The following LAMA5 variants were observed in gnomAD, a reference collection of about 807,000 sequenced individuals.
LAMA5 encodes laminin subunit alpha 5.
In LAMA5, 260 loss-of-function variants were observed where a neutral mutation model predicts 433.4. The observed-to-expected ratio is 0.60, with a 90% CI of 0.54 to 0.66. The LOEUF (loss-of-function observed/expected upper bound fraction) is 0.66, where lower values mean the gene tolerates loss of function less well. Among genes scored for constraint, LAMA5 ranks in the 30% least tolerant of loss-of-function variants. The probability of loss-of-function intolerance (pLI) is 0.00; values close to 1 mark genes in which losing one functional copy is unlikely to be tolerated. For synonymous variants in LAMA5, 2,620 were observed against 2,226.6 expected (o/e 1.18, Z -4.97); for missense variants, 5,378 against 5,258.5 (o/e 1.02, Z -0.70).
At position 62,367,204 on chromosome 20, in the gene LAMA5, G is replaced by T; in HGVS notation, c.42C>A (p.Arg14=). The change falls in exon 1 of 80, where the codon CGC becomes CGA. Residue 14 remains arginine, a synonymous_variant. Coordinates refer to ENST00000252999, the MANE Select transcript of LAMA5 (RefSeq NM_005560.6). ...RLCAGSALCV[R]GPRGPAPLLL... is the part of the protein sequence containing the mutation. Reference sequence around the variant, plus strand: ...GCAGCGGCGCGGGGCCCCGGGGGCCGCGAACACACAGTGCGCTCCCCGCGC... The same window carrying T: ...GCAGCGGCGCGGGGCCCCGGGGGCCTCGAACACACAGTGCGCTCCCCGCGC... The T allele has an allele frequency of 8.2e-7, 1 of 1,218,620 alleles. No homozygotes were observed. The highest frequency in any genetic ancestry group is 4.3e-5 in the Admixed American group (1 of 23,126). The allele number at this position is 1,218,620 out of a possible 1,614,324, so 75.5% of individuals were successfully genotyped here.
At chr20:62,347,055 A>T in intron 6 of LAMA5, 27 bp from the exon 7 acceptor site, 3 of 1,571,012 alleles carry the variant, frequency 1.9e-6, no homozygotes, top group Non-Finnish European at 2.6e-6. Context: ...AGGGGGGATC[A>T]GGCCCATCCT....
chr20:62,334,174 C>T lies in LAMA5; in HGVS notation c.2739+12G>A, dbSNP rs1981089101. ...TCTAGGCTGAGCCTGGGAGGGGGAG[C>T]ACAGCGCCCACCTGGACAGGTGCCA... On this transcript the variant is annotated intron_variant, in intron 22 of 79. Coordinates refer to ENST00000252999, the MANE Select transcript of LAMA5 (RefSeq NM_005560.6). 2.5e-6 allele frequency: 4 copies of T among 1,609,264 alleles called. No individual in the cohort carries two copies. Among genetic ancestry groups the T allele is most frequent in the Non-Finnish European group, 3.4e-6 (4 of 1,177,352 alleles).
At chr20:62,321,217 G>A (rs1601313974) in intron 48 of LAMA5, among the ~76,000 whole-genome samples, 2 of 120,076 alleles carry the variant, frequency 1.7e-5, no homozygotes, top group African/African-American at 6.7e-5. Flanking sequence ...GGAAGAGGGG[G>A]CCAGTGGAGG....
rs1441406271 is a variant in LAMA5, at chr20:62,346,178, G to A, written c.1320C>T (p.Cys440=). The A allele has an allele frequency of 4.3e-6, 7 of 1,612,676 alleles. No homozygotes were observed. The highest frequency in any genetic ancestry group is 2.2e-5 in the East Asian group (1 of 44,866). ...NCESDFTDGT[C]EDLTGRCYCR... ...AGTAGCATCGACCCGTCAGGTCCTCGCAGGTGCCATCCGTGAAGTCGGACT... is the reference window on the plus strand; with the variant it reads ...AGTAGCATCGACCCGTCAGGTCCTCACAGGTGCCATCCGTGAAGTCGGACT... The change falls in exon 10 of 80, where the codon TGC becomes TGT. Residue 440 remains cysteine, a synonymous_variant. Transcript: ENST00000252999.
Position 62,328,217 on chromosome 20 carries a change from G to A in LAMA5, c.4652+24C>T, listed in dbSNP as rs746287498. The A allele has an allele frequency of 6.2e-5, 98 of 1,576,208 alleles. 1 individual carries two copies. In the East Asian group the frequency reaches 2.1e-3, roughly 33 times the overall value. ...TGTCCTTAAGGCCACCAGGGGCCGC[G>A]CTGACGCCGCTCTGGGCTCTCACTT... On this transcript the variant is annotated intron_variant, in intron 35 of 79. Transcript: ENST00000252999.
chr20:62,322,535 C>G (rs1978451844), intron 46 of LAMA5, 86 bp from the exon 47 acceptor site: 1 of 1,462,550 alleles, frequency 6.8e-7, no homozygotes, highest in African/African-American at 1.4e-5. Context: ...CCCATCTGGC[C>G]CCACCCCCTG....
chr20:62,366,671 C>T (rs1285114474), intron 1 of LAMA5, among the ~76,000 whole-genome samples: 1 of 152,238 alleles, frequency 6.6e-6, no homozygotes, highest in African/African-American at 2.4e-5. Flanking sequence ...TGGGCCCGGC[C>T]CCCCTCCCGC....
At position 62,349,700 on chromosome 20, in the gene LAMA5, GAT is replaced by G. The variant is rs752879115; in HGVS notation, c.956+2002_956+2003del. Among the ~76,000 whole-genome samples, 7 of 1,290 alleles carry G rather than the reference GAT, an allele frequency of 5.4e-3. 3 individuals carry two copies. Among genetic ancestry groups the G allele is most frequent in the Non-Finnish European group, 0.012 (6 of 482 alleles). The allele number at this position is 1,290 out of a possible 152,430, so 0.8% of individuals were successfully genotyped here. ...TGATGGGGGTGATGATGGTGATGGT[GAT>G]GGTGATGGTGATGGTGATGGTGATG... is the stretch of plus-strand genomic sequence containing the variant. On this transcript the variant is annotated intron_variant, in intron 6 of 79. Transcript: ENST00000252999.
chr20:62,336,284 TGTG>T, intron 18 of LAMA5, 53 bp downstream of exon 18: 1 of 1,283,900 alleles, frequency 7.8e-7, no homozygotes, highest in East Asian at 2.4e-5. Context: ...AGGATATACT[TGTG>T]GGCACAGTTC....
Position 62,329,921 on chromosome 20 carries a change from G to C in LAMA5, c.3980-5C>G, listed in dbSNP as rs1205348162. Reference sequence around the variant, plus strand: ...AGAAGCTGGCGTTGGCGTGGCCTGGGCGGGGGAGAAAGGCAGGGTCAGGCC... The same window carrying C: ...AGAAGCTGGCGTTGGCGTGGCCTGGCCGGGGGAGAAAGGCAGGGTCAGGCC... On this transcript the variant is annotated splice_polypyrimidine_tract_variant and splice_region_variant and intron_variant, in intron 31 of 79. Transcript: ENST00000252999. The C allele has an allele frequency of 6.2e-7, 1 of 1,610,558 alleles. No individual in the cohort carries two copies.
At chr20:62,363,590 G>A (rs192254537) in intron 1 of LAMA5, among the ~76,000 whole-genome samples, 40 of 152,060 alleles carry the variant, frequency 2.6e-4, no homozygotes, top group Admixed American at 5.2e-4. Context: ...CTGCTCCCCC[G>A]CCCCCCCAGG....
rs8120697 is a variant in LAMA5, at chr20:62,330,157, C to A, written c.3980-241G>T. On this transcript the variant is annotated intron_variant, in intron 31 of 79. Coordinates refer to ENST00000252999, the MANE Select transcript of LAMA5 (RefSeq NM_005560.6). ...TACCGGTCAACTCCATGTGCGGGACCCCAGGCTTGGCCGAGCCAGGAACCA... is the reference window on the plus strand; with the variant it reads ...TACCGGTCAACTCCATGTGCGGGACACCAGGCTTGGCCGAGCCAGGAACCA... Among the ~76,000 whole-genome samples the A allele has an allele frequency of 8.7e-3, 1,318 of 152,358 alleles. 25 individuals carry two copies. Among genetic ancestry groups the A allele is most frequent in the African/African-American group, 0.028 (1,180 of 41,576 alleles).
chr20:62,315,246 G>A (rs748163286), intron 58 of LAMA5, 39 bp from the exon 59 acceptor site: 25 of 1,541,440 alleles, frequency 1.6e-5, no homozygotes, highest in East Asian at 2.3e-5. Context: ...GGGGCCAGCG[G>A]GGACCATCCT....
Position 62,351,973 on chromosome 20 carries a change from C to G in LAMA5, c.794G>C (p.Arg265Pro), listed in dbSNP as rs145049366. ...KATNVRLRFL[R>P]TNTLLGHLMG... ...GAGATGGCCCAGCAGCGTGTTGGTA[C>G]GCAGGAAGCGCAGGCGGACGTTGGT... Residue 265 changes from arginine (R) to proline (P), a missense_variant, in exon 5 of 80, where the codon CGT (arginine) becomes CCT (proline). Arg to Pro is a moderately radical substitution (Grantham distance 103). Coordinates refer to ENST00000252999, the MANE Select transcript of LAMA5 (RefSeq NM_005560.6). 6.2e-7 allele frequency: 1 copy of G among 1,612,418 alleles called. No homozygotes were observed. The highest frequency in any genetic ancestry group is 8.5e-7 in the Non-Finnish European group (1 of 1,179,856).
Position 62,324,173 on chromosome 20 carries a change from C to T in LAMA5, c.5675G>A (p.Cys1892Tyr). Residue 1892 changes from cysteine to tyrosine, a missense_variant, in exon 43 of 80, where the codon TGT (cysteine) becomes TAT (tyrosine). Transcript: ENST00000252999. This position sits in a 1 kb window ranked among gnomAD's most constrained non-coding sequence, Gnocchi z 4.4. ...CACGAAGCCAGCCTGGCAGCGCTCA[C>T]AGTGGGCCCCTTCGGTGTTGTGCTG... Reference protein sequence around the residue: ...DCQHNTEGAHCERCQAGFVSS... With the variant: ...DCQHNTEGAHYERCQAGFVSS... 2.5e-6 allele frequency: 4 copies of T among 1,572,368 alleles called. No homozygotes were observed. Among genetic ancestry groups the T allele is most frequent in the South Asian group, 1.2e-5 (1 of 84,246 alleles).
chr20:62,362,256 C>A, intron 2 of LAMA5, 144 bp downstream of exon 2: 1 of 785,726 alleles, frequency 1.3e-6, no homozygotes, highest in South Asian at 3.7e-5. Flanking sequence ...GGGACTCCCC[C>A]CACCAAGTCC....
chr20:62,324,187 G>A lies in LAMA5; in HGVS notation c.5661C>T (p.Thr1887=), dbSNP rs377010676. 79 of 1,575,492 alleles carry A rather than the reference G, an allele frequency of 5.0e-5. No individual in the cohort carries two copies. Among genetic ancestry groups the A allele is most frequent in the African/African-American group, 9.7e-5 (7 of 72,048 alleles). ...GGCAGCGCTCACAGTGGGCCCCTTC[G>A]GTGTTGTGCTGGCAGTCCTGGGGCA... is the stretch of plus-strand genomic sequence containing the variant. ...SGVCVDCQHN[T]EGAHCERCQA... The change falls in exon 43 of 80, where the codon ACC becomes ACT. Residue 1887 remains threonine, a synonymous_variant. Transcript: ENST00000252999. This position sits in a 1 kb window ranked among gnomAD's most constrained non-coding sequence, Gnocchi z 4.4.
chr20:62,333,376 T>C lies in LAMA5; in HGVS notation c.3127A>G (p.Asn1043Asp). The C allele has an allele frequency of 1.2e-6, 2 of 1,612,608 alleles. No individual in the cohort carries two copies. Among genetic ancestry groups the C allele is most frequent in the Non-Finnish European group, 1.7e-6 (2 of 1,179,840 alleles). ...TCCCACCGCACGCATGGCCCTCACTTGTCGCCAGACTGCTGGGCAGAGGGA... is the reference window on the plus strand; with the variant it reads ...TCCCACCGCACGCATGGCCCTCACTCGTCGCCAGACTGCTGGGCAGAGGGA... The part of the protein sequence containing the change: ...YRPSAQQSGD[N>D]CLLYTHLPLD... The change falls in exon 25 of 80, where the codon AAC (asparagine) becomes GAC (aspartate). Residue 1043 changes from asparagine (N) to aspartate (D), a missense_variant and splice_region_variant. Coordinates refer to ENST00000252999, the MANE Select transcript of LAMA5 (RefSeq NM_005560.6).
At position 62,323,592 on chromosome 20, in the gene LAMA5, G is replaced by A. The variant is rs754706679; in HGVS notation, c.5928C>T (p.Asp1976=). 43 of 1,610,532 alleles carry A rather than the reference G, an allele frequency of 2.7e-5. No individual in the cohort carries two copies. In the East Asian group the frequency reaches 9.6e-4, roughly 36 times the overall value. ...CQPCDCSGNG[D]PNLLFSDCDP... ...CGCAGTCGCTGAAGAGCAAGTTGGG[G>A]TCACCGTTGCCGCTGCAGTCGCATG... Residue 1976 remains aspartate, a synonymous_variant, in exon 45 of 80, where the codon GAC becomes GAT. Transcript: ENST00000252999.
Sources: allele counts gnomAD v4.1 joint callset (sites outside exome capture counted in the v4.1 genomes callset), GRCh38; gene constraint gnomAD v4.1.1; non-coding constraint Gnocchi (gnomAD v3.1); transcripts MANE v1.5; gene names NCBI Gene and HGNC (gene_info 2026-07-23, HGNC 2026-07-21).